Variants in DPYD observed in about 807,000 individuals in gnomAD.
DPYD encodes dihydropyrimidine dehydrogenase.
Under a neutral mutation model 116.2 loss-of-function variants are expected in DPYD, and 109 were observed. The observed-to-expected ratio is 0.94, with a 90% CI of 0.80 to 1.10. DPYD has a LOEUF of 1.10. Ranked by LOEUF, DPYD falls within the 50% of genes least tolerant of loss-of-function variation. The pLI is 0.00. For missense variants in DPYD, 1,302 were observed against 1,254.5 expected (o/e 1.04, Z -0.57); for synonymous variants, 440 against 432.0 (o/e 1.02, Z -0.23).
intron 20 of DPYD, among the ~76,000 whole-genome samples, chr1:97,161,364 T>A (rs1168973848): frequency 2.0e-5 from 3 of 152,118 alleles, no homozygotes; most frequent in Non-Finnish European, 4.4e-5. Context: ...TCTACCATAC[T>A]GATACAAGTA....
chr1:97,099,734 T>C (rs942269917), intron 20 of DPYD, among the ~76,000 whole-genome samples: 31 of 152,152 alleles, frequency 2.0e-4, no homozygotes, highest in Admixed American at 1.2e-3. Context: ...AGTATTTTGG[T>C]GAAAAATCAC....
At chr1:97,714,925 G>A (rs61790065) in intron 5 of DPYD, among the ~76,000 whole-genome samples, 12,249 of 152,084 alleles carry the variant, frequency 0.081, 627 homozygotes, top group Middle Eastern at 0.11. Context: ...CACTAGCTTT[G>A]TATTCCAGAT....
intron 3 of DPYD, among the ~76,000 whole-genome samples, chr1:97,782,616 T>C (rs1666812883): frequency 6.6e-6 from 1 of 152,162 alleles, no homozygotes. Context: ...ATTTAAAACG[T>C]TCAGTAAAAG....
chr1:97,295,814 T>C (rs528950526), intron 18 of DPYD: 6 of 951,450 alleles, frequency 6.3e-6, no homozygotes, highest in Non-Finnish European at 7.5e-6. Flanking sequence ...TATTGCTTAG[T>C]TGTCATAAAG....
At chr1:97,336,334 G>T (rs759711740) in intron 16 of DPYD, among the ~76,000 whole-genome samples, 1 of 152,158 alleles carries the variant, frequency 6.6e-6, no homozygotes, top group African/African-American at 2.4e-5. Context: ...TAACTGCAAA[G>T]ATGATTTAAA....
At chr1:97,586,516 A>G (rs1175152890) in intron 10 of DPYD, among the ~76,000 whole-genome samples, 2 of 81,238 alleles carry the variant, frequency 2.5e-5, no homozygotes, top group African/African-American at 9.6e-5. Flanking sequence ...ATATATATAT[A>G]TATGCTGTGA....
At chr1:97,620,084 C>CA (rs1398832783) in intron 8 of DPYD, among the ~76,000 whole-genome samples, 2 of 151,152 alleles carry the variant, frequency 1.3e-5, no homozygotes, top group Non-Finnish European at 1.5e-5. Context: ...GCCTGGGTTA[C>CA]ACTCAGATTC....
rs12067602 is a variant in DPYD, at chr1:97,824,830, T to C, written c.233+3284A>G. ...AGACATCTGGCTGGACTCTCCTTCT[T>C]TCTTATCCCAATGCACTATTCTTGG... On this transcript the variant is annotated intron_variant, in intron 3 of 22. Coordinates refer to ENST00000370192, the MANE Select transcript of DPYD (RefSeq NM_000110.4). Among the ~76,000 whole-genome samples the C allele has an allele frequency of 7.0e-3, 1,064 of 152,304 alleles. 9 individuals carry two copies. The highest frequency in any genetic ancestry group is 0.024 in the African/African-American group (1,004 of 41,572).
intron 8 of DPYD, among the ~76,000 whole-genome samples, chr1:97,602,075 A>G (rs1257494183): frequency 2.0e-5 from 3 of 151,944 alleles, no homozygotes; most frequent in Non-Finnish European, 4.4e-5. Context: ...ATTTTTTTCC[A>G]TTACACAAGA....
At chr1:97,293,818 T>C (rs1298180588) in intron 18 of DPYD, among the ~76,000 whole-genome samples, 1 of 151,994 alleles carries the variant, frequency 6.6e-6, no homozygotes, top group Non-Finnish European at 1.5e-5. Context: ...CATGGTGGTG[T>C]GAGTCTGTAA....
At chr1:97,130,739 TTTC>T (rs1352544095) in intron 20 of DPYD, among the ~76,000 whole-genome samples, 8 of 90,948 alleles carry the variant, frequency 8.8e-5, no homozygotes, top group East Asian at 5.3e-4. Flanking sequence ...TCTTCCTTTC[TTTC>T]TTCTTTCTCC....
chr1:97,848,075 C>A (rs930482052), intron 2 of DPYD, among the ~76,000 whole-genome samples: 1 of 151,962 alleles, frequency 6.6e-6, no homozygotes, highest in Non-Finnish European at 1.5e-5. Flanking sequence ...AATTGTTATA[C>A]CCCTCTAACG....
intron 12 of DPYD, among the ~76,000 whole-genome samples, chr1:97,548,742 T>A (rs2102080840): frequency 6.6e-6 from 1 of 151,982 alleles, no homozygotes; most frequent in East Asian, 1.9e-4. Flanking sequence ...TCTCAAAAAA[T>A]ATAAAAAAAT....
chr1:97,546,841 C>T (rs1650906406), intron 12 of DPYD: 2 of 1,611,212 alleles, frequency 1.2e-6, no homozygotes, highest in Admixed American at 3.3e-5. Flanking sequence ...TGAGGCCAAG[C>T]CTGTGCCAGA....
At chr1:97,380,543 G>A (rs896418074) in intron 15 of DPYD, among the ~76,000 whole-genome samples, 2 of 152,174 alleles carry the variant, frequency 1.3e-5, no homozygotes, top group Non-Finnish European at 2.9e-5. Flanking sequence ...GCTGATAGCA[G>A]GTTTCCTCAG....
intron 4 of DPYD, among the ~76,000 whole-genome samples, chr1:97,738,764 T>C (rs1437518578): frequency 1.3e-5 from 2 of 152,054 alleles, no homozygotes; most frequent in African/African-American, 4.8e-5. Flanking sequence ...CATATTCATA[T>C]AAAAATCTTT....
At chr1:97,546,375 T>C (rs1553193230) in intron 12 of DPYD, 2 of 1,450,388 alleles carry the variant, frequency 1.4e-6, no homozygotes, top group Non-Finnish European at 1.9e-6. Flanking sequence ...TAAAGGAAGA[T>C]GAAGAAGAAG....
intron 20 of DPYD, among the ~76,000 whole-genome samples, chr1:97,104,268 G>A (rs1199144641): frequency 6.6e-6 from 1 of 152,028 alleles, no homozygotes; most frequent in Non-Finnish European, 1.5e-5. Context: ...AAATCTTTCT[G>A]GTTGTTTGAA....
chr1:97,687,690 A>T (rs1660807586), intron 7 of DPYD, among the ~76,000 whole-genome samples: 1 of 152,216 alleles, frequency 6.6e-6, no homozygotes, highest in Admixed American at 6.5e-5. Flanking sequence ...TGTTCACTGC[A>T]GCATTATTCA....
Sources: allele counts gnomAD v4.1 joint callset (sites outside exome capture counted in the v4.1 genomes callset), GRCh38; gene constraint gnomAD v4.1.1; transcripts MANE v1.5; gene names NCBI Gene and HGNC (gene_info 2026-07-23, HGNC 2026-07-21).